FGGY: variants seen among roughly 807,000 people sequenced by gnomAD.
The protein encoded by FGGY is FGGY carbohydrate kinase domain containing.
In FGGY, 72 loss-of-function variants were observed where a neutral mutation model predicts 71.3. The observed-to-expected ratio is 1.01, with a 90% CI of 0.84 to 1.23. The LOEUF is 1.23. Ranked by LOEUF, FGGY falls within the 50% of genes most tolerant of loss-of-function variation. The probability of loss-of-function intolerance (pLI) is 0.00; values close to 1 mark genes in which losing one functional copy is unlikely to be tolerated. For synonymous variants in FGGY, 251 were observed against 250.3 expected (o/e 1.00, Z -0.02); for missense variants, 668 against 682.3 (o/e 0.98, Z 0.23).
At chr1:59,342,302 G>A (rs939738186) in intron 3 of FGGY, among the ~76,000 whole-genome samples, 2 of 152,078 alleles carry the variant, frequency 1.3e-5, no homozygotes, top group Middle Eastern at 3.2e-3. Flanking sequence ...ACAGATTAAC[G>A]GAGAATTAAA....
At chr1:59,638,608 G>T (rs977075257) in intron 11 of FGGY, among the ~76,000 whole-genome samples, 22 of 152,252 alleles carry the variant, frequency 1.4e-4, no homozygotes, top group Admixed American at 6.5e-5. Flanking sequence ...TTCAGCTACT[G>T]CTGCCTCTTT....
At chr1:59,412,347 A>G (rs2063729016) in intron 5 of FGGY, among the ~76,000 whole-genome samples, 1 of 152,140 alleles carries the variant, frequency 6.6e-6, no homozygotes, top group Non-Finnish European at 1.5e-5. Flanking sequence ...GATACAGTTC[A>G]TGTGGCTTGG....
intron 14 of FGGY, among the ~76,000 whole-genome samples, chr1:59,707,234 A>C (rs1159212957): frequency 6.6e-6 from 1 of 152,248 alleles, no homozygotes; most frequent in African/African-American, 2.4e-5. Context: ...TTGCCTAGCG[A>C]AACTGCGAGC....
At chr1:59,688,896 C>T (rs2097566820) in intron 14 of FGGY, among the ~76,000 whole-genome samples, 1 of 152,046 alleles carries the variant, frequency 6.6e-6, no homozygotes, top group Non-Finnish European at 1.5e-5. Context: ...ATTACAGGCA[C>T]CTGCCACCAC....
chr1:59,511,444 C>T (rs1164375516), intron 6 of FGGY, among the ~76,000 whole-genome samples: 1 of 150,102 alleles, frequency 6.7e-6, no homozygotes, highest in Non-Finnish European at 1.5e-5. Context: ...CTATAGAATC[C>T]TTGGGGGATG....
chr1:59,373,163 A>C (rs1342155531), intron 4 of FGGY, among the ~76,000 whole-genome samples: 7 of 152,042 alleles, frequency 4.6e-5, no homozygotes, highest in Non-Finnish European at 8.8e-5. Flanking sequence ...AGAAAACCCC[A>C]TTGTCTCAGC....
intron 8 of FGGY, among the ~76,000 whole-genome samples, chr1:59,581,701 A>G (rs951654594): frequency 6.7e-6 from 1 of 149,872 alleles, no homozygotes; most frequent in African/African-American, 2.5e-5. Flanking sequence ...ATTTTGAAAT[A>G]TTTGGTGTTA....
intron 8 of FGGY, among the ~76,000 whole-genome samples, chr1:59,564,747 T>A (rs1474055977): frequency 6.6e-6 from 1 of 152,216 alleles, no homozygotes; most frequent in Non-Finnish European, 1.5e-5. Context: ...TACTCTACCC[T>A]GTGATCCAGA....
At chr1:59,613,731 CA>C (rs1426720353) in intron 9 of FGGY, among the ~76,000 whole-genome samples, 1 of 151,852 alleles carries the variant, frequency 6.6e-6, no homozygotes, top group Admixed American at 6.6e-5. Context: ...AAAAGATCAA[CA>C]AAATTGATAG....
chr1:59,761,641 A>G (rs928132990), intron 15 of FGGY, among the ~76,000 whole-genome samples: 2 of 152,214 alleles, frequency 1.3e-5, no homozygotes, highest in African/African-American at 4.8e-5. Flanking sequence ...TGTCTGATTC[A>G]TGGCCAATAC....
At chr1:59,536,803 A>T (rs2095328076) in intron 7 of FGGY, among the ~76,000 whole-genome samples, 1 of 152,228 alleles carries the variant, frequency 6.6e-6, no homozygotes, top group Non-Finnish European at 1.5e-5. Flanking sequence ...ACAACCCTTC[A>T]TGCTAAAAAC....
chr1:59,660,992 C>T (rs978908664), intron 12 of FGGY, among the ~76,000 whole-genome samples: 12 of 152,172 alleles, frequency 7.9e-5, no homozygotes, highest in African/African-American at 2.9e-4. Context: ...TCATGGTGTT[C>T]GGGGTCTCAC....
At chr1:59,371,549 A>C (rs577722035) in intron 4 of FGGY, among the ~76,000 whole-genome samples, 1 of 152,340 alleles carries the variant, frequency 6.6e-6, no homozygotes, top group East Asian at 1.9e-4. Context: ...GCTCTGCAAC[A>C]AGCAGACCTA....
At chr1:59,588,809 C>A (rs935306840) in intron 8 of FGGY, among the ~76,000 whole-genome samples, 5 of 152,202 alleles carry the variant, frequency 3.3e-5, no homozygotes, top group Admixed American at 1.3e-4. Context: ...TGGAAAGGAA[C>A]AACCGGTACC....
intron 14 of FGGY, among the ~76,000 whole-genome samples, chr1:59,690,745 T>C (rs2097581302): frequency 6.6e-6 from 1 of 152,216 alleles, no homozygotes; most frequent in Non-Finnish European, 1.5e-5. Context: ...CAGCCACCTG[T>C]GACTAGTTAC....
intron 14 of FGGY, among the ~76,000 whole-genome samples, chr1:59,706,119 T>C (rs1270066841): frequency 6.6e-6 from 1 of 152,202 alleles, no homozygotes; most frequent in Non-Finnish European, 1.5e-5. Context: ...TCAAGCATTG[T>C]GGATCGTAAA....
intron 6 of FGGY, among the ~76,000 whole-genome samples, chr1:59,497,593 A>T: frequency 6.6e-6 from 1 of 152,208 alleles, no homozygotes; most frequent in Admixed American, 6.5e-5. Context: ...GTCTCAAACA[A>T]ACAAAGAAAC....
chr1:59,472,240 C>T (rs1046501075), intron 6 of FGGY, among the ~76,000 whole-genome samples: 9 of 152,228 alleles, frequency 5.9e-5, no homozygotes, highest in Non-Finnish European at 1.2e-4. Flanking sequence ...CCGGCTCCAC[C>T]GGCCCAGGGC....
intron 14 of FGGY, among the ~76,000 whole-genome samples, chr1:59,689,504 T>G (rs1476239587): frequency 6.6e-6 from 1 of 152,062 alleles, no homozygotes; most frequent in Non-Finnish European, 1.5e-5. Flanking sequence ...TGCTCAGTAT[T>G]CCCTTATCCT....
Sources: gnomAD v4.1 joint callset for allele counts (sites outside exome capture counted in the v4.1 genomes callset) on GRCh38, gnomAD v4.1.1 for gene constraint, MANE v1.5 for transcripts, NCBI Gene and HGNC (gene_info 2026-07-23, HGNC 2026-07-21) for gene names.